SHISA9: variants seen among roughly 807,000 people sequenced by gnomAD.
The protein encoded by SHISA9 is shisa family member 9.
Under a neutral mutation model 38.0 loss-of-function variants are expected in SHISA9, and 13 were observed. The observed-to-expected ratio is 0.34, with a 90% CI of 0.22 to 0.54. SHISA9 has a LOEUF of 0.54. SHISA9 is among the 20% of genes least tolerant of loss of function. The pLI, the probability that SHISA9 is intolerant of heterozygous loss-of-function variation, is 0.91. For synonymous variants in SHISA9, 275 were observed against 242.0 expected, an observed-to-expected ratio of 1.14 and a Z score of -1.27; for missense variants, 538 against 575.8, an observed-to-expected ratio of 0.93 and a Z score of 0.67.
chr16:13,199,563 C>G (rs1021414059), intron 2 of SHISA9, among the ~76,000 whole-genome samples: 7 of 152,226 alleles, frequency 4.6e-5, no homozygotes, highest in East Asian at 1.9e-4. Context: ...GGGCTTCTCT[C>G]TCTCCTCAGC....
intron 2 of SHISA9, among the ~76,000 whole-genome samples, chr16:13,166,155 G>A (rs754510734): frequency 4.6e-5 from 7 of 152,180 alleles, no homozygotes; most frequent in Non-Finnish European, 8.8e-5. Context: ...AGATAATCAA[G>A]GTCCTGATAA....
At chr16:13,400,638 C>G in the SHISA9 span, among the ~76,000 whole-genome samples, 3 of 152,280 alleles carry the variant, frequency 2.0e-5, no homozygotes, top group African/African-American at 7.2e-5. Context: ...TGCCAGGGTC[C>G]CCACAATGTT....
At chr16:13,385,491 A>T in the SHISA9 span, among the ~76,000 whole-genome samples, 1 of 147,878 alleles carries the variant, frequency 6.8e-6, no homozygotes, top group South Asian at 2.2e-4. Context: ...GTATATCCAT[A>T]CCATGAAATA....
intron 2 of SHISA9, among the ~76,000 whole-genome samples, chr16:13,004,381 T>A (rs1410298572): frequency 6.6e-6 from 1 of 152,208 alleles, no homozygotes; most frequent in African/African-American, 2.4e-5. Flanking sequence ...AGAGGCATAG[T>A]CAGTGATGAA....
intron 2 of SHISA9, among the ~76,000 whole-genome samples, chr16:13,091,149 G>A (rs773925140): frequency 5.3e-5 from 8 of 152,112 alleles, no homozygotes; most frequent in Admixed American, 3.3e-4. Context: ...TGGCTTGCAC[G>A]GTTTCTGCTG....
At chr16:12,936,779 G>A (rs893658659) in intron 2 of SHISA9, among the ~76,000 whole-genome samples, 5 of 152,118 alleles carry the variant, frequency 3.3e-5, no homozygotes, top group African/African-American at 1.2e-4. Flanking sequence ...ATCTCTACAC[G>A]AGACAAGACT....
chr16:13,055,822 G>GT (rs1476827322), intron 2 of SHISA9, among the ~76,000 whole-genome samples: 1 of 152,198 alleles, frequency 6.6e-6, no homozygotes, highest in Non-Finnish European at 1.5e-5. Context: ...GAGATGTATT[G>GT]TTTTTTAAGA....
chr16:13,150,671 T>C (rs929660796), intron 2 of SHISA9, among the ~76,000 whole-genome samples: 6 of 152,150 alleles, frequency 3.9e-5, no homozygotes, highest in African/African-American at 1.4e-4. Context: ...AAGGAGGTGA[T>C]TCATCTGCAC....
chr16:13,069,494 A>G (rs1305695208), intron 2 of SHISA9, among the ~76,000 whole-genome samples: 1 of 152,012 alleles, frequency 6.6e-6, no homozygotes, highest in Non-Finnish European at 1.5e-5. Context: ...CACACAATGC[A>G]TGCATGTGTA....
At chr16:13,204,820 G>C (rs1282630940) in intron 3 of SHISA9, 2 of 152,224 alleles carry the variant, frequency 1.3e-5, no homozygotes, top group Non-Finnish European at 2.9e-5. Context: ...TCAAGCAGCA[G>C]TGGGTGACAG....
chr16:13,244,037 C>T (rs2051454665), downstream of SHISA9, among the ~76,000 whole-genome samples: 1 of 152,142 alleles, frequency 6.6e-6, no homozygotes, highest in African/African-American at 2.4e-5. Flanking sequence ...TCCCAAAGTG[C>T]TGGGATTACA....
chr16:13,386,279 C>T, the SHISA9 span, among the ~76,000 whole-genome samples: 20,364 of 152,100 alleles, frequency 0.13, 1,633 homozygotes, highest in East Asian at 0.39. Flanking sequence ...TTATTTCTTA[C>T]AGATGTTAAA....
chr16:13,543,603 A>T, the SHISA9 span, among the ~76,000 whole-genome samples: 13 of 152,224 alleles, frequency 8.5e-5, no homozygotes, highest in African/African-American at 3.1e-4. Flanking sequence ...CCACACTCCC[A>T]GTGCTGTTTC....
At chr16:13,181,554 C>T (rs976246242) in intron 2 of SHISA9, among the ~76,000 whole-genome samples, 1 of 151,816 alleles carries the variant, frequency 6.6e-6, no homozygotes, top group African/African-American at 2.4e-5. Flanking sequence ...CCTTGTCATA[C>T]ATGGTATGGG....
intron 2 of SHISA9, among the ~76,000 whole-genome samples, chr16:13,035,733 G>C (rs1479575414): frequency 6.6e-6 from 1 of 152,116 alleles, no homozygotes; most frequent in African/African-American, 2.4e-5. Context: ...GTTTTGCCAT[G>C]TTGGCCAGGC....
the SHISA9 span, among the ~76,000 whole-genome samples, chr16:13,476,446 TC>T: frequency 6.6e-6 from 1 of 152,348 alleles, no homozygotes; most frequent in Admixed American, 6.5e-5. Flanking sequence ...ATAACCATTG[TC>T]CCAGTGATTG....
intron 4 of SHISA9, among the ~76,000 whole-genome samples, chr16:13,219,172 C>G (rs141942018): frequency 6.6e-6 from 1 of 152,206 alleles, no homozygotes; most frequent in Non-Finnish European, 1.5e-5. Context: ...GTAGAAAATG[C>G]TCTTGCATCA....
intron 4 of SHISA9, among the ~76,000 whole-genome samples, chr16:13,230,281 C>G (rs2051319157): frequency 6.6e-6 from 1 of 152,102 alleles, no homozygotes; most frequent in Admixed American, 6.5e-5. Context: ...AATGAATGAA[C>G]AAACAGCTCA....
chr16:13,190,531 C>T (rs1328613577), intron 2 of SHISA9, among the ~76,000 whole-genome samples: 5 of 152,206 alleles, frequency 3.3e-5, no homozygotes, highest in African/African-American at 1.2e-4. Context: ...ATGAGCAAGG[C>T]CCCCTGCCTT....
Sources: allele counts gnomAD v4.1 joint callset (sites outside exome capture counted in the v4.1 genomes callset), GRCh38; gene constraint gnomAD v4.1.1; transcripts MANE v1.5; gene names NCBI Gene and HGNC (gene_info 2026-07-23, HGNC 2026-07-21).